OXSR1: variants seen among roughly 807,000 people sequenced by gnomAD.
The protein encoded by OXSR1 is oxidative stress responsive kinase 1, also known as serine/threonine-protein kinase OSR1.
A neutral mutation model predicts 79.8 loss-of-function variants in OXSR1; 24 were observed. That is an observed-to-expected ratio of 0.30 (90% CI 0.22 to 0.42). OXSR1 has a LOEUF of 0.42. Ranked by LOEUF, OXSR1 falls within the 10% of genes least tolerant of loss-of-function variation. The pLI is 1.00. For synonymous variants in OXSR1, 226 were observed against 209.2 expected (o/e 1.08, Z -0.69); for missense variants, 430 against 618.4 (o/e 0.70, Z 3.23).
At chr3:38,247,772 G>T in intron 14 of OXSR1, 40 bp downstream of exon 14, 1 of 1,348,758 alleles carries the variant, frequency 7.4e-7, no homozygotes, top group East Asian at 2.3e-5. Flanking sequence ...TTTGTTTTCT[G>T]AATATTCTGC....
chr3:38,224,209 A>G (rs148586884), intron 7 of OXSR1, among the ~76,000 whole-genome samples: 68 of 152,310 alleles, frequency 4.5e-4, no homozygotes, highest in Non-Finnish European at 7.2e-4. Flanking sequence ...TTTTGTCTCT[A>G]TGATTTTGAC....
Position 38,165,620 on chromosome 3 carries a change from G to A in OXSR1, c.-257G>A. 2.1e-6 allele frequency: 1 copy of A among 471,196 alleles called. No individual in the cohort carries two copies. Among genetic ancestry groups the A allele is most frequent in the East Asian group, 3.7e-5 (1 of 27,062 alleles). 29.2% of individuals were successfully genotyped at this position (471,196 alleles called of 1,614,324 possible). A position where few individuals can be genotyped will look rare whatever the true frequency, so the allele number is the denominator to read the frequency against. Reference sequence around the variant, plus strand: ...TTCTGTCGCTGCTGCTGCGGAGGCCGAGGACAGGACGTGGGCTGGGCCGGG... The same window carrying A: ...TTCTGTCGCTGCTGCTGCGGAGGCCAAGGACAGGACGTGGGCTGGGCCGGG... On this transcript the variant is annotated 5_prime_UTR_variant, in exon 1 of 18. Transcript: ENST00000311806.
chr3:38,220,546 GGTT>G (rs1269490738), intron 5 of OXSR1, among the ~76,000 whole-genome samples: 1 of 152,122 alleles, frequency 6.6e-6, no homozygotes, highest in East Asian at 1.9e-4. Flanking sequence ...AAGTTCTTTT[GGTT>G]GTATTGGAAA....
chr3:38,199,379 T>C (rs1702121810), intron 4 of OXSR1, among the ~76,000 whole-genome samples: 1 of 151,586 alleles, frequency 6.6e-6, no homozygotes, highest in Admixed American at 6.6e-5. Context: ...TCCTCCCACC[T>C]CAGCCTCCTC....
At chr3:38,184,410 C>T (rs534387863) in intron 2 of OXSR1, among the ~76,000 whole-genome samples, 2 of 152,074 alleles carry the variant, frequency 1.3e-5, no homozygotes, top group African/African-American at 2.4e-5. Flanking sequence ...TTGATACATA[C>T]AATAATACTT....
chr3:38,187,408 G>A (rs1701905384), intron 2 of OXSR1, among the ~76,000 whole-genome samples: 1 of 152,124 alleles, frequency 6.6e-6, no homozygotes, highest in Non-Finnish European at 1.5e-5. Flanking sequence ...TTTCCTGGAT[G>A]GAAAATACAT....
chr3:38,241,982 A>G (rs1388154630), intron 11 of OXSR1, among the ~76,000 whole-genome samples: 1 of 151,896 alleles, frequency 6.6e-6, no homozygotes, highest in Non-Finnish European at 1.5e-5. Flanking sequence ...TTTACCATAA[A>G]TTGTTATTCG....
chr3:38,213,613 G>A (rs749932628), intron 4 of OXSR1, among the ~76,000 whole-genome samples: 4 of 152,174 alleles, frequency 2.6e-5, no homozygotes, highest in Non-Finnish European at 5.9e-5. Context: ...CAAAAGTACT[G>A]AACTAATATA....
At chr3:38,216,787 A>T (rs894877302) in intron 5 of OXSR1, among the ~76,000 whole-genome samples, 1 of 152,182 alleles carries the variant, frequency 6.6e-6, no homozygotes, top group African/African-American at 2.4e-5. Context: ...GGAGGAAGAT[A>T]ATCACCCAAA....
intron 5 of OXSR1, among the ~76,000 whole-genome samples, chr3:38,219,786 G>GATA (rs1559517714): frequency 7.8e-6 from 1 of 127,408 alleles, no homozygotes; most frequent in African/African-American, 3.4e-5. Context: ...TTAAGATGAT[G>GATA]ATGATGATGA....
At position 38,224,670 on chromosome 3, in the gene OXSR1, A is replaced by G. The variant is rs1702654690; in HGVS notation, c.802A>G (p.Ile268Val). The change falls in exon 8 of 18, where the codon ATT becomes GTT. Residue 268 changes from isoleucine (I) to valine (V), a missense_variant. Ile to Val is a conservative substitution (Grantham distance 29, BLOSUM62 3). Transcript: ENST00000311806. The part of the protein sequence containing the change: ...KKYGKSFRKM[I>V]SLCLQKDPEK... The stretch of plus-strand genomic sequence containing the variant: ...ATATGGAAAATCATTTAGAAAAATG[A>G]TTTCATTGTGCCTTCAAAAAGATCC... 2 of 1,588,016 alleles carry G rather than the reference A, an allele frequency of 1.3e-6. No homozygotes were observed. The highest frequency in any genetic ancestry group is 1.7e-6 in the Non-Finnish European group (2 of 1,165,068).
rs371054812 is a variant in OXSR1 at position 38,247,657 on chromosome 3, A to G, written c.1258-11A>G. The G allele has an allele frequency of 5.6e-6, 9 of 1,604,244 alleles. No homozygotes were observed. Among genetic ancestry groups the G allele is most frequent in the Non-Finnish European group, 7.7e-6 (9 of 1,171,392 alleles). On this transcript the variant is annotated splice_polypyrimidine_tract_variant and intron_variant, in intron 13 of 17. Transcript: ENST00000311806. ...TCAGGCAATGACTGTATACCTTTCA[A>G]TGCTTTTTAGGCTTTGTCTTCAGGA... is the stretch of plus-strand genomic sequence containing the variant.
At chr3:38,238,841 G>T (rs1702971080) in intron 11 of OXSR1, among the ~76,000 whole-genome samples, 1 of 151,810 alleles carries the variant, frequency 6.6e-6, no homozygotes, top group Non-Finnish European at 1.5e-5. Context: ...GGATCTGTGG[G>T]TTTATAGGTT....
intron 1 of OXSR1, among the ~76,000 whole-genome samples, chr3:38,172,627 GCCTTA>G (rs1324373628): frequency 2.0e-5 from 3 of 152,082 alleles, no homozygotes; most frequent in South Asian, 2.1e-4. Context: ...AGATTCCAGG[GCCTTA>G]CCTTTAGCGC....
intron 9 of OXSR1, 39 bp downstream of exon 9, chr3:38,229,774 A>G (rs1232162017): frequency 2.1e-6 from 3 of 1,433,292 alleles, no homozygotes; most frequent in South Asian, 2.3e-5. Context: ...TGTTCATAGG[A>G]TGCTCCTCAA....
rs2125858743 is a variant in OXSR1, at chr3:38,254,744, ATC to A, written c.*1855_*1856del. On this transcript the variant is annotated 3_prime_UTR_variant, in exon 18 of 18. Transcript: ENST00000311806. ...TTTTTTTTTTTTCAAACCCATCAAAATCTACTTATTTATGAATCCAAGGGGTG... is the reference window on the plus strand; with the variant it reads ...TTTTTTTTTTTTCAAACCCATCAAAATACTTATTTATGAATCCAAGGGGTG... 1 of 152,010 alleles carries A rather than the reference ATC, an allele frequency of 6.6e-6. No individual in the cohort carries two copies. Among genetic ancestry groups the A allele is most frequent in the South Asian group, 2.1e-4 (1 of 4,800 alleles). The allele number at this position is 152,010 out of a possible 1,614,324, so 9.4% of individuals were successfully genotyped here. A position where few individuals can be genotyped will look rare whatever the true frequency, so the allele number is the denominator to read the frequency against.
chr3:38,245,421 T>C (rs1008503708), intron 12 of OXSR1, among the ~76,000 whole-genome samples: 3 of 152,204 alleles, frequency 2.0e-5, no homozygotes, highest in African/African-American at 7.2e-5. Context: ...ACATTCACTT[T>C]TAAAATGCAT....
At chr3:38,166,789 C>CAAAAAAAAAAAAAAA (rs915290107) in intron 1 of OXSR1, among the ~76,000 whole-genome samples, 1 of 63,824 alleles carries the variant, frequency 1.6e-5, no homozygotes. Context: ...GACTCTGACT[C>CAAAAAAAAAAAAAAA]AAAAAAAAAA....
intron 10 of OXSR1, among the ~76,000 whole-genome samples, chr3:38,234,054 A>G (rs549627929): frequency 4.2e-4 from 64 of 152,380 alleles, no homozygotes; most frequent in Admixed American, 1.4e-3. Context: ...TCACATGCAG[A>G]AGAATGAAGT....
Sources: gnomAD v4.1 joint callset for allele counts (sites outside exome capture counted in the v4.1 genomes callset) on GRCh38, gnomAD v4.1.1 for gene constraint, MANE v1.5 for transcripts, NCBI Gene and HGNC (gene_info 2026-07-23, HGNC 2026-07-21) for gene names.